CACNA1D: variants seen among roughly 807,000 people sequenced by gnomAD.
CACNA1D encodes calcium voltage-gated channel subunit alpha1 D.
In CACNA1D, 55 loss-of-function variants were observed where a neutral mutation model predicts 257.1. The observed-to-expected ratio is 0.21, with a 90% confidence interval of 0.17 to 0.27. The LOEUF is 0.27. Ranked by LOEUF, CACNA1D falls within the 10% of genes least tolerant of loss-of-function variation. The pLI is 1.00. For missense variants in CACNA1D, 1,876 were observed against 2,784.0 expected, an observed-to-expected ratio of 0.67 and a Z score of 7.34; for synonymous variants, 980 against 1,014.9, an observed-to-expected ratio of 0.97 and a Z score of 0.65.
chr3:53,717,691 A>G (rs941128071), intron 9 of CACNA1D, among the ~76,000 whole-genome samples: 1 of 152,132 alleles, frequency 6.6e-6, no homozygotes, highest in African/African-American at 2.4e-5. Flanking sequence ...GTTCTTACCC[A>G]GCTTACTGGG....
At chr3:53,713,344 A>T (rs1436574548) in intron 9 of CACNA1D, among the ~76,000 whole-genome samples, 1 of 152,168 alleles carries the variant, frequency 6.6e-6, no homozygotes, top group Non-Finnish European at 1.5e-5. Flanking sequence ...ACCTGATGAT[A>T]AGCACCAGGC....
intron 20 of CACNA1D, among the ~76,000 whole-genome samples, chr3:53,739,594 A>G (rs2095094638): frequency 2.0e-5 from 3 of 152,190 alleles, no homozygotes; most frequent in African/African-American, 7.2e-5. Context: ...TCAGTCTGTT[A>G]TTTGAGTGGG....
At chr3:53,721,486 C>G (rs977525093) in intron 11 of CACNA1D, among the ~76,000 whole-genome samples, 5 of 152,224 alleles carry the variant, frequency 3.3e-5, no homozygotes, top group Admixed American at 1.3e-4. Context: ...TCATGGCACA[C>G]TTTACCAAAG....
intron 22 of CACNA1D, among the ~76,000 whole-genome samples, chr3:53,743,505 CT>C (rs2095137102): frequency 6.6e-6 from 1 of 152,180 alleles, no homozygotes; most frequent in African/African-American, 2.4e-5. Flanking sequence ...ACCAGGTGGC[CT>C]TTCAGTTTTT....
In CACNA1D at chr3:53,788,909, A is replaced by C. The variant is rs2095470121; in HGVS notation, c.4923+1957A>C. On this transcript the variant is annotated intron_variant, in intron 40 of 47. Coordinates refer to ENST00000350061, the MANE Select transcript of CACNA1D (RefSeq NM_001128840.3). The stretch of plus-strand genomic sequence containing the variant: ...TCATTTATACTTTTTCTGAACCCCC[A>C]AGACTTCCCAATTAGACAATTTCAG... Among the ~76,000 whole-genome samples the C allele has an allele frequency of 2.0e-5, 3 of 152,134 alleles. No homozygotes were observed. The South Asian group carries it at 6.2e-4, about 32-fold the overall frequency.
intron 7 of CACNA1D, among the ~76,000 whole-genome samples, chr3:53,668,502 C>T (rs967318031): frequency 6.6e-6 from 1 of 152,172 alleles, no homozygotes; most frequent in Non-Finnish European, 1.5e-5. Flanking sequence ...AATTACACAG[C>T]ATCTTTATTC....
chr3:53,720,076 C>G (rs2094865898), intron 11 of CACNA1D, among the ~76,000 whole-genome samples: 2 of 152,192 alleles, frequency 1.3e-5, no homozygotes, highest in Non-Finnish European at 2.9e-5. Context: ...TGTCACTTTT[C>G]TGCTCGAAAG....
chr3:53,495,556 C>G lies in CACNA1D; in HGVS notation c.67+323C>G, dbSNP rs2090308654. Among the ~76,000 whole-genome samples the G allele has an allele frequency of 6.6e-6, 1 of 152,160 alleles. No individual in the cohort carries two copies. Among genetic ancestry groups the G allele is most frequent in the African/African-American group, 2.4e-5 (1 of 41,450 alleles). On this transcript the variant is annotated intron_variant, in intron 1 of 47. Coordinates refer to ENST00000350061, the MANE Select transcript of CACNA1D (RefSeq NM_001128840.3). The surrounding 1 kb of genome is among the most constrained non-coding windows in gnomAD (Gnocchi z 5.1). The stretch of plus-strand genomic sequence containing the variant: ...TCAACTTTCCTTCAACGCCCCCGAG[C>G]GATGGCAGGAGGGCCGCAAGTCTTC...
In CACNA1D at chr3:53,735,282, T is replaced by C. The variant is rs576090700; in HGVS notation, c.2622-92T>C. On this transcript the variant is annotated intron_variant, in intron 19 of 47. Transcript: ENST00000350061. Reference sequence around the variant, plus strand: ...GCACAGCAGACAGCTGCCCTCTGCCTGGCCTCTTGCTGCAGTGGCCCCACA... The same window carrying C: ...GCACAGCAGACAGCTGCCCTCTGCCCGGCCTCTTGCTGCAGTGGCCCCACA... 474 of 1,196,168 alleles carry C rather than the reference T, an allele frequency of 4.0e-4. 1 individual carries two copies. The African/African-American group carries it at 5.3e-3, about 13-fold the overall frequency. 74.1% of individuals were successfully genotyped at this position (1,196,168 alleles called of 1,614,324 possible).
At chr3:53,702,603 A>G (rs375407224) in intron 8 of CACNA1D, 38 bp from the exon 9 acceptor site, 1 of 1,607,542 alleles carries the variant, frequency 6.2e-7, no homozygotes, top group Non-Finnish European at 8.5e-7. Flanking sequence ...GTCCCCAAGG[A>G]TGTCCTGATA....
At chr3:53,718,218 G>A in intron 9 of CACNA1D, 83 bp from the exon 10 acceptor site, 1 of 1,183,108 alleles carries the variant, frequency 8.5e-7, no homozygotes, top group Non-Finnish European at 1.3e-6. Context: ...AGGTCTGCCT[G>A]GTGGCAGAGG....
Position 53,751,749 on chromosome 3 carries a change from C to T in CACNA1D, c.3517C>T (p.Arg1173Cys). 6.2e-7 allele frequency: 1 copy of T among 1,614,188 alleles called. No individual in the cohort carries two copies. Among genetic ancestry groups the T allele is most frequent in the Non-Finnish European group, 8.5e-7 (1 of 1,180,008 alleles). ...YKNCELDKNQ[R>C]QCVEYALKAR... ...TTTCTGCCCTTTTCTGCTGTTGCAG[C>T]GTCAGTGTGTTGAATACGCCTTGAA... is the stretch of plus-strand genomic sequence containing the variant. Residue 1173 changes from arginine to cysteine, a missense_variant and splice_region_variant, in exon 28 of 48, where the codon CGT becomes TGT. By Grantham distance (180) the Arg-to-Cys change is radical. This residue lies in a region of CACNA1D where 204 missense variants were observed against 309.4 expected (regional missense o/e 0.66). Coordinates refer to ENST00000350061, the MANE Select transcript of CACNA1D (RefSeq NM_001128840.3). The surrounding 1 kb of genome is among the most constrained non-coding windows in gnomAD (Gnocchi z 4.3).
At chr3:53,665,109 T>C (rs1006908144) in intron 5 of CACNA1D, among the ~76,000 whole-genome samples, 1 of 152,218 alleles carries the variant, frequency 6.6e-6, no homozygotes, top group Non-Finnish European at 1.5e-5. Context: ...GTTTGCTGTT[T>C]GATCATATAG....
At chr3:53,530,783 T>C (rs2091921569) in intron 3 of CACNA1D, among the ~76,000 whole-genome samples, 1 of 152,114 alleles carries the variant, frequency 6.6e-6, no homozygotes, top group Non-Finnish European at 1.5e-5. Context: ...TTGGGGACCA[T>C]TTGCCTAAAA....
At chr3:53,506,928 C>T (rs1000321700) in intron 3 of CACNA1D, among the ~76,000 whole-genome samples, 2 of 151,918 alleles carry the variant, frequency 1.3e-5, no homozygotes. Context: ...ATTGATTGAG[C>T]CAGTCATAGT....
intron 19 of CACNA1D, among the ~76,000 whole-genome samples, 158 bp from the exon 20 acceptor site, chr3:53,735,216 C>G (rs1336119780): frequency 6.6e-6 from 1 of 152,234 alleles, no homozygotes; most frequent in Non-Finnish European, 1.5e-5. Flanking sequence ...GAGAGGCTGA[C>G]GGACAGGTTG....
In CACNA1D at chr3:53,666,335, G is replaced by T; in HGVS notation, c.920-4G>T. 1 of 1,613,410 alleles carries T rather than the reference G, an allele frequency of 6.2e-7. No homozygotes were observed. Among genetic ancestry groups the T allele is most frequent in the East Asian group, 2.2e-5 (1 of 44,868 alleles). Reference sequence around the variant, plus strand: ...GCGGTACAGCCTGTTTGCTCTGTTTGCAGATATCGTAGCTGAAGAGGACCC... The same window carrying T: ...GCGGTACAGCCTGTTTGCTCTGTTTTCAGATATCGTAGCTGAAGAGGACCC... On this transcript the variant is annotated splice_polypyrimidine_tract_variant and splice_region_variant and intron_variant, in intron 6 of 47. Transcript: ENST00000350061.
rs373600397 is a variant in CACNA1D at position 53,781,592 on chromosome 3, C to T, written c.4717C>T (p.Leu1573Phe). 3.0e-5 allele frequency: 48 copies of T among 1,613,788 alleles called. No homozygotes were observed. Among genetic ancestry groups the T allele is most frequent in the Non-Finnish European group, 4.0e-5 (47 of 1,179,758 alleles). The change falls in exon 39 of 48, where the codon CTT (leucine) becomes TTT (phenylalanine). Residue 1573 changes from leucine (L) to phenylalanine (F), a missense_variant. Transcript: ENST00000350061. ...EGNLEQANEELRAVIKKIWKK... is the reference protein window; with the variant it reads ...EGNLEQANEEFRAVIKKIWKK... ...GAACCTGGAGCAAGCTAATGAAGAA[C>T]TTCGGGCTGTGATAAAGAAAATTTG...
chr3:53,697,197 C>T (rs1559531329), intron 8 of CACNA1D, among the ~76,000 whole-genome samples: 2 of 152,164 alleles, frequency 1.3e-5, no homozygotes, highest in Admixed American at 1.3e-4. Flanking sequence ...GCGAGCTGGC[C>T]GTGGAGGCTG....
Sources: allele counts gnomAD v4.1 joint callset (sites outside exome capture counted in the v4.1 genomes callset), GRCh38; gene constraint gnomAD v4.1.1; regional missense constraint gnomAD v4.1.1; non-coding constraint Gnocchi (gnomAD v3.1); transcripts MANE v1.5; gene names NCBI Gene and HGNC (gene_info 2026-07-23, HGNC 2026-07-21).